The following MSRB2 variants were observed in gnomAD, a reference collection of about 807,000 sequenced individuals.
The protein encoded by MSRB2 is methionine sulfoxide reductase B2.
MSRB2 carries 17 observed loss-of-function variants against 19.0 expected under a neutral mutation model. That is an observed-to-expected ratio of 0.89 (90% CI 0.61 to 1.34). The LOEUF is 1.34. Among genes scored for constraint, MSRB2 ranks in the 40% most tolerant of loss-of-function variants. MSRB2 has a pLI of 0.00. For missense variants in MSRB2, 208 were observed against 237.6 expected (o/e 0.88, Z 0.82); for synonymous variants, 107 against 99.7 (o/e 1.07, Z -0.44).
intron 2 of MSRB2, among the ~76,000 whole-genome samples, chr10:23,108,635 C>T (rs1280464621): frequency 6.6e-6 from 1 of 151,984 alleles, no homozygotes; most frequent in Non-Finnish European, 1.5e-5. Context: ...TCCACCATGC[C>T]TGGCATTTTT....
chr10:23,120,707 T>G, intron 4 of MSRB2, 51 bp from the exon 5 acceptor site: 1 of 1,468,606 alleles, frequency 6.8e-7, no homozygotes, highest in Non-Finnish European at 9.4e-7. Context: ...TGGTTTTACA[T>G]AAAGAGCTTT....
intron 2 of MSRB2, among the ~76,000 whole-genome samples, chr10:23,107,036 T>C (rs1839993612): frequency 6.6e-6 from 1 of 152,212 alleles, no homozygotes; most frequent in African/African-American, 2.4e-5. Context: ...ATTTCAATTC[T>C]CTCTTCTAAG....
chr10:23,117,336 T>C (rs1840122653), intron 3 of MSRB2, among the ~76,000 whole-genome samples: 1 of 152,158 alleles, frequency 6.6e-6, no homozygotes, highest in Non-Finnish European at 1.5e-5. Context: ...TTGAGACCAC[T>C]TGAGGCCACA....
At chr10:23,118,058 T>TA (rs903649182) in intron 3 of MSRB2, among the ~76,000 whole-genome samples, 44 of 151,492 alleles carry the variant, frequency 2.9e-4, no homozygotes, top group African/African-American at 9.5e-4. Context: ...CAACCTATAT[T>TA]AAAAAAAAAT....
chr10:23,101,594 A>G (rs1254805210), intron 1 of MSRB2, among the ~76,000 whole-genome samples: 2 of 152,182 alleles, frequency 1.3e-5, no homozygotes, highest in East Asian at 1.9e-4. Context: ...ACTGTTTTCC[A>G]TAGTGGTTGT....
intron 3 of MSRB2, among the ~76,000 whole-genome samples, chr10:23,117,163 G>T (rs996327338): frequency 1.3e-5 from 2 of 152,156 alleles, no homozygotes; most frequent in Admixed American, 6.5e-5. Flanking sequence ...TAAATGACTT[G>T]CCAAGGTGAT....
At chr10:23,105,204 C>G (rs79277705) in intron 2 of MSRB2, among the ~76,000 whole-genome samples, 13 of 130,370 alleles carry the variant, frequency 1.0e-4, no homozygotes, top group South Asian at 2.5e-4. Flanking sequence ...CTCTCTCTCT[C>G]TGTGTGTCTG....
rs1326101244 is a variant in MSRB2 at position 23,095,602 on chromosome 10, G to A, written c.-7G>A. The stretch of plus-strand genomic sequence containing the variant: ...GCAGAGGGCGGAGCGGCGCCGGAGC[G>A]GGCGTCATGGCGCGGCTCCTCTGGT... On this transcript the variant is annotated 5_prime_UTR_variant, in exon 1 of 5. Transcript: ENST00000376510. The A allele has an allele frequency of 1.4e-6, 2 of 1,479,474 alleles. No individual in the cohort carries two copies. The highest frequency in any genetic ancestry group is 2.9e-5 in the African/African-American group (2 of 68,312). The allele number at this position is 1,479,474 out of a possible 1,614,324, so 91.6% of individuals were successfully genotyped here.
Position 23,104,126 on chromosome 10 carries a change from T to G in MSRB2, c.119-18T>G. 6.3e-7 allele frequency: 1 copy of G among 1,583,512 alleles called. No individual in the cohort carries two copies. Among genetic ancestry groups the G allele is most frequent in the South Asian group, 1.2e-5 (1 of 86,626 alleles). On this transcript the variant is annotated intron_variant, in intron 1 of 4. Coordinates refer to ENST00000376510, the MANE Select transcript of MSRB2 (RefSeq NM_012228.4). ...GCATTTTTGTTTTAATTTTTAAAAT[T>G]CCTGTTTAACAATACAGGGTCTCTT...
chr10:23,104,021 G>T (rs773523165), intron 1 of MSRB2, 123 bp from the exon 2 acceptor site: 5 of 619,384 alleles, frequency 8.1e-6, no homozygotes, highest in Non-Finnish European at 1.3e-5. Context: ...AAACTCGTGG[G>T]AGAGAGAGGA....
At chr10:23,105,342 CATTTTT>C (rs1377125952) in intron 2 of MSRB2, among the ~76,000 whole-genome samples, 4 of 151,978 alleles carry the variant, frequency 2.6e-5, no homozygotes, top group Non-Finnish European at 5.9e-5. Flanking sequence ...GAATACAATA[CATTTTT>C]GTTAAGTGTC....
chr10:23,105,159 C>T (rs1839971745), intron 2 of MSRB2, among the ~76,000 whole-genome samples: 1 of 151,826 alleles, frequency 6.6e-6, no homozygotes, highest in African/African-American at 2.4e-5. Context: ...AGTGGTTCTT[C>T]ATTATAACAC....
chr10:23,118,605 C>T (rs925965479), intron 3 of MSRB2, among the ~76,000 whole-genome samples: 6 of 151,966 alleles, frequency 3.9e-5, no homozygotes, highest in Non-Finnish European at 7.4e-5. Context: ...GGTACCCAGG[C>T]GTATTAATTA....
At chr10:23,118,348 T>G (rs983020381) in intron 3 of MSRB2, among the ~76,000 whole-genome samples, 7 of 149,714 alleles carry the variant, frequency 4.7e-5, no homozygotes, top group Middle Eastern at 3.4e-3. Flanking sequence ...TTTTTTTTTT[T>G]TTTTTTTTGG....
chr10:23,117,435 T>C (rs1407094000), intron 3 of MSRB2, among the ~76,000 whole-genome samples: 1 of 152,196 alleles, frequency 6.6e-6, no homozygotes, highest in Non-Finnish European at 1.5e-5. Context: ...TTAAGCCGGA[T>C]GTTAAAGAGC....
chr10:23,102,412 G>C (rs1041686983), intron 1 of MSRB2, among the ~76,000 whole-genome samples: 2 of 151,820 alleles, frequency 1.3e-5, no homozygotes, highest in Admixed American at 6.6e-5. Context: ...TTTTTTCTGG[G>C]ATCTAGAATT....
In MSRB2 at chr10:23,120,839, A is replaced by G. The variant is rs762733560; in HGVS notation, c.526A>G (p.Lys176Glu). The G allele has an allele frequency of 3.1e-6, 5 of 1,613,956 alleles. No homozygotes were observed. The East Asian group carries it at 8.9e-5, about 29-fold the overall frequency. ...GTTTTGCATCAACAGTGTGGCTTTG[A>G]AGTTCAAACCAAGGAAACACTGACC... ...QRFCINSVAL[K>E]FKPRKH The change falls in exon 5 of 5, where the codon AAG (lysine) becomes GAG (glutamate). Residue 176 changes from lysine to glutamate, a missense_variant. Coordinates refer to ENST00000376510, the MANE Select transcript of MSRB2 (RefSeq NM_012228.4).
intron 1 of MSRB2, among the ~76,000 whole-genome samples, chr10:23,097,735 GGTT>G (rs752723260): frequency 7.2e-5 from 11 of 152,122 alleles, no homozygotes; most frequent in Non-Finnish European, 1.3e-4. Context: ...ATAATGGTAG[GGTT>G]GTTGTAAAGA....
intron 1 of MSRB2, among the ~76,000 whole-genome samples, chr10:23,100,171 C>G (rs1346198835): frequency 6.6e-6 from 1 of 152,216 alleles, no homozygotes; most frequent in East Asian, 1.9e-4. Context: ...GGTGTTTTAT[C>G]ATGATGCGTT....
Sources: gnomAD v4.1 joint callset for allele counts (sites outside exome capture counted in the v4.1 genomes callset) on GRCh38, gnomAD v4.1.1 for gene constraint, MANE v1.5 for transcripts, NCBI Gene and HGNC (gene_info 2026-07-23, HGNC 2026-07-21) for gene names.